Variants in ADGRE3 observed in about 807,000 individuals in gnomAD.
ADGRE3 encodes the protein EGF-like module receptor 3.
Under a neutral mutation model 80.1 loss-of-function variants are expected in ADGRE3, and 88 were observed. The observed-to-expected ratio is 1.10, with a 90% CI of 0.93 to 1.31. ADGRE3 has a LOEUF of 1.31. ADGRE3 is among the 40% of genes most tolerant of loss of function. The pLI is 0.00. For missense variants in ADGRE3, 715 were observed against 776.5 expected (o/e 0.92, Z 0.94); for synonymous variants, 281 against 294.8 (o/e 0.95, Z 0.48).
intron 2 of ADGRE3, among the ~76,000 whole-genome samples, chr19:14,663,875 G>A (rs1289953891): frequency 6.6e-6 from 1 of 151,960 alleles, no homozygotes; most frequent in South Asian, 2.1e-4. Context: ...AGGTATACAC[G>A]TGCCACGTTG....
At chr19:14,638,372 T>C (rs1971159933) in intron 10 of ADGRE3, 32 bp from the exon 11 acceptor site, 1 of 1,561,836 alleles carries the variant, frequency 6.4e-7, no homozygotes, top group Middle Eastern at 1.7e-4. Context: ...CCTGAAGGGG[T>C]TGTCAGGGTG....
chr19:14,610,359 G>A, the ADGRE3 span: 24 of 966,424 alleles, frequency 2.5e-5, no homozygotes, highest in Non-Finnish European at 3.3e-5. Flanking sequence ...TGCAAGTCAG[G>A]CTGTTTCTAG....
At chr19:14,641,678 T>C in intron 9 of ADGRE3, 62 bp from the exon 10 acceptor site, 7 of 1,578,318 alleles carry the variant, frequency 4.4e-6, no homozygotes, top group Non-Finnish European at 6.0e-6. Context: ...GGCTCCCTCC[T>C]TGAACTGGGG....
downstream of ADGRE3, among the ~76,000 whole-genome samples, chr19:14,617,730 T>G (rs2075090902): frequency 6.6e-6 from 1 of 152,030 alleles, no homozygotes; most frequent in East Asian, 1.9e-4. Flanking sequence ...ATTCCTATTA[T>G]TCTCATATTA....
the ADGRE3 span, chr19:14,600,265 G>T: frequency 2.0e-6 from 3 of 1,499,280 alleles, no homozygotes; most frequent in Non-Finnish European, 1.8e-6. Flanking sequence ...TCCCTTCCCT[G>T]GATGGCAAGA....
At chr19:14,653,474 G>A (rs1971662912) in intron 6 of ADGRE3, among the ~76,000 whole-genome samples, 1 of 151,854 alleles carries the variant, frequency 6.6e-6, no homozygotes, top group South Asian at 2.1e-4. Context: ...CATAATTATA[G>A]CAATTACTAC....
rs1270112886 is a variant in ADGRE3, at chr19:14,619,400, A to G, written c.*33T>C. ...CATAATGCCAAAGAGATCCATGGATATGATTTTCCATATGGAGTTGAATAT... is the reference window on the plus strand; with the variant it reads ...CATAATGCCAAAGAGATCCATGGATGTGATTTTCCATATGGAGTTGAATAT... On this transcript the variant is annotated 3_prime_UTR_variant, in exon 16 of 16. Transcript: ENST00000253673. The G allele has an allele frequency of 4.9e-6, 7 of 1,430,700 alleles. No individual in the cohort carries two copies. The Admixed American group carries it at 1.2e-4, about 24-fold the overall frequency. 88.6% of individuals were successfully genotyped at this position (1,430,700 alleles called of 1,614,324 possible).
chr19:14,664,281 T>C (rs1202058883), intron 2 of ADGRE3, among the ~76,000 whole-genome samples: 1 of 151,526 alleles, frequency 6.6e-6, no homozygotes, highest in Non-Finnish European at 1.5e-5. Flanking sequence ...CTACTGAAAA[T>C]ACAAAATTAG....
At chr19:14,612,987 G>T in the ADGRE3 span, among the ~76,000 whole-genome samples, 1 of 151,446 alleles carries the variant, frequency 6.6e-6, no homozygotes, top group East Asian at 1.9e-4. Flanking sequence ...GTGCAGCGGC[G>T]TGATCTCGGC....
intron 10 of ADGRE3, among the ~76,000 whole-genome samples, chr19:14,641,028 C>G (rs78086603): frequency 0.012 from 1,751 of 152,212 alleles, 23 homozygotes; most frequent in African/African-American, 0.04. Flanking sequence ...TACTAGTAAG[C>G]CTTTATCTAT....
chr19:14,656,221 T>A (rs1344205710), intron 5 of ADGRE3, among the ~76,000 whole-genome samples: 1 of 151,580 alleles, frequency 6.6e-6, no homozygotes, highest in Admixed American at 6.6e-5. Flanking sequence ...GGCGCGTGCC[T>A]GTAATCCCAG....
rs1434289295 is a variant in ADGRE3 at position 14,668,871 on chromosome 19, A to C, written c.26-19T>G. 6.2e-7 allele frequency: 1 copy of C among 1,612,276 alleles called. No individual in the cohort carries two copies. Among genetic ancestry groups the C allele is most frequent in the African/African-American group, 1.3e-5 (1 of 74,882 alleles). ...CAGAGGCCTGGAATAGATGGGAAACAGAAGGGAGAGACATGAAACAATTGA... is the reference window on the plus strand; with the variant it reads ...CAGAGGCCTGGAATAGATGGGAAACCGAAGGGAGAGACATGAAACAATTGA... On this transcript the variant is annotated intron_variant, in intron 1 of 15. Transcript: ENST00000253673.
intron 7 of ADGRE3, 108 bp downstream of exon 7, chr19:14,650,977 T>G (rs1180076397): frequency 6.8e-6 from 8 of 1,169,842 alleles, no homozygotes; most frequent in Non-Finnish European, 9.7e-6. Context: ...TATCGTAGTT[T>G]GAGGGTAAAA....
intron 4 of ADGRE3, among the ~76,000 whole-genome samples, chr19:14,658,763 C>T (rs994812908): frequency 3.3e-5 from 5 of 152,034 alleles, no homozygotes; most frequent in Non-Finnish European, 5.9e-5. Flanking sequence ...GAGACAGAGT[C>T]TCACTCTGTT....
downstream of ADGRE3, among the ~76,000 whole-genome samples, chr19:14,617,799 A>G (rs185286453): frequency 3.9e-4 from 59 of 151,968 alleles, no homozygotes; most frequent in Middle Eastern, 3.4e-3. Context: ...TTTTTTCCTC[A>G]GTGCTTTGAG....
At chr19:14,639,295 T>C (rs1415528818) in intron 10 of ADGRE3, among the ~76,000 whole-genome samples, 4 of 152,206 alleles carry the variant, frequency 2.6e-5, no homozygotes, top group African/African-American at 9.7e-5. Flanking sequence ...TGTGTATGTC[T>C]ATGGAAACTT....
downstream of ADGRE3, among the ~76,000 whole-genome samples, chr19:14,616,886 C>T (rs1378180633): frequency 6.6e-6 from 1 of 151,608 alleles, no homozygotes; most frequent in African/African-American, 2.4e-5. Flanking sequence ...CCTCCATCTC[C>T]CGGGTTCAAG....
the ADGRE3 span, among the ~76,000 whole-genome samples, chr19:14,602,692 G>GT: frequency 1.3e-5 from 2 of 150,932 alleles, no homozygotes; most frequent in African/African-American, 4.9e-5. Flanking sequence ...TGTCCCTTCT[G>GT]TTTTTTATCC....
chr19:14,665,879 A>G (rs1433105273), intron 2 of ADGRE3, among the ~76,000 whole-genome samples: 2 of 144,336 alleles, frequency 1.4e-5, no homozygotes, highest in South Asian at 2.1e-4. Context: ...ATATATAATT[A>G]TATAAGATAT....
Sources: gnomAD v4.1 joint callset for allele counts (sites outside exome capture counted in the v4.1 genomes callset) on GRCh38, gnomAD v4.1.1 for gene constraint, MANE v1.5 for transcripts, NCBI Gene and HGNC (gene_info 2026-07-23, HGNC 2026-07-21) for gene names.